Variants in AFF3 observed in about 807,000 individuals in gnomAD.
AFF3 encodes ALF transcription elongation factor 3, also known as AF4/FMR2 family member 3.
In AFF3, 32 loss-of-function variants were observed where a neutral mutation model predicts 129.7. The ratio of observed to expected loss-of-function variants is 0.25; its 90% CI spans 0.19 to 0.33. AFF3 has a LOEUF of 0.33. Ranked by LOEUF, AFF3 falls within the 10% of genes least tolerant of loss-of-function variation. The pLI is 1.00. For missense variants in AFF3, 1,373 were observed against 1,592.0 expected (o/e 0.86, Z 2.34); for synonymous variants, 644 against 635.4 (o/e 1.01, Z -0.20).
intron 11 of AFF3, among the ~76,000 whole-genome samples, chr2:99,692,353 C>T (rs530540619): frequency 6.6e-6 from 1 of 152,350 alleles, no homozygotes; most frequent in South Asian, 2.1e-4. Flanking sequence ...TGCTCTCCCC[C>T]TTCTTCAGCA....
At position 99,989,746 on chromosome 2, in the gene AFF3, T is replaced by A. The variant is rs866917664; in HGVS notation, c.873+16886A>T. Among the ~76,000 whole-genome samples the A allele has an allele frequency of 3.3e-5, 5 of 152,308 alleles. No individual in the cohort carries two copies. In the Middle Eastern group the frequency reaches 0.01, roughly 311 times the overall value. On this transcript the variant is annotated intron_variant, in intron 7 of 24. Transcript: ENST00000672756. ...TTTTCATCAAAATTGTATTTTTAAT[T>A]CTATGAAAAAAGGTTGAAAATTAAT...
chr2:99,838,809 T>A (rs910414014), intron 7 of AFF3, among the ~76,000 whole-genome samples: 2 of 152,198 alleles, frequency 1.3e-5, no homozygotes, highest in African/African-American at 4.8e-5. Flanking sequence ...GAATCAGCAC[T>A]AGGACTTTAA....
intron 7 of AFF3, among the ~76,000 whole-genome samples, chr2:99,867,588 A>AAAC (rs1553469151): frequency 2.6e-5 from 4 of 151,352 alleles, no homozygotes; most frequent in African/African-American, 9.7e-5. Flanking sequence ...AAAAAAAAAA[A>AAAC]AAAAACATAG....
chr2:99,700,555 C>G (rs1160025901), intron 11 of AFF3, among the ~76,000 whole-genome samples: 1 of 152,216 alleles, frequency 6.6e-6, no homozygotes, highest in African/African-American at 2.4e-5. Flanking sequence ...TGGGGACTTA[C>G]AAATTACATT....
chr2:100,133,124 G>A (rs1692492380), intron 1 of AFF3, among the ~76,000 whole-genome samples: 1 of 151,574 alleles, frequency 6.6e-6, no homozygotes, highest in South Asian at 2.1e-4. Flanking sequence ...TTGCTGTCTG[G>A]GTGCGGTGGC....
intron 7 of AFF3, among the ~76,000 whole-genome samples, chr2:99,896,419 A>C (rs1002228479): frequency 1.3e-5 from 2 of 151,944 alleles, no homozygotes; most frequent in Non-Finnish European, 2.9e-5. Context: ...CCACCTGTCC[A>C]TAAGCCCACT....
At chr2:99,597,246 A>C (rs1312512456) in intron 14 of AFF3, among the ~76,000 whole-genome samples, 2 of 152,098 alleles carry the variant, frequency 1.3e-5, no homozygotes, top group Non-Finnish European at 2.9e-5. Context: ...TGAAAGGGGG[A>C]CCGCATTCCT....
At chr2:99,908,803 A>G (rs1694906536) in intron 7 of AFF3, among the ~76,000 whole-genome samples, 1 of 152,212 alleles carries the variant, frequency 6.6e-6, no homozygotes, top group African/African-American at 2.4e-5. Context: ...TAGAGTGGCG[A>G]TCATTAAAAA....
rs77149704 is a variant in AFF3 at position 99,650,741 on chromosome 2, T to C, written c.1144-1075A>G. Among the ~76,000 whole-genome samples the C allele has an allele frequency of 4.8e-3, 724 of 152,198 alleles. 8 individuals carry two copies. Among genetic ancestry groups the C allele is most frequent in the African/African-American group, 0.015 (642 of 41,522 alleles). On this transcript the variant is annotated intron_variant, in intron 12 of 24. Transcript: ENST00000672756. ...CTACATGAAATGAACAAAACTTTCA[T>C]TTTGTATTGAAAATGTATTGATTTG...
chr2:99,568,244 G>A (rs1057233209), intron 19 of AFF3, among the ~76,000 whole-genome samples: 2 of 152,206 alleles, frequency 1.3e-5, no homozygotes, highest in Non-Finnish European at 2.9e-5. Flanking sequence ...ATTCATTTAA[G>A]ATGGAACAAC....
At chr2:99,682,664 C>T (rs981261181) in intron 11 of AFF3, among the ~76,000 whole-genome samples, 4 of 152,216 alleles carry the variant, frequency 2.6e-5, no homozygotes, top group Admixed American at 2.6e-4. Flanking sequence ...GGCAACTTGG[C>T]ATCATCTCCC....
intron 7 of AFF3, among the ~76,000 whole-genome samples, chr2:99,958,367 C>G (rs1177081138): frequency 6.6e-6 from 1 of 151,932 alleles, no homozygotes; most frequent in African/African-American, 2.4e-5. Context: ...GTGGCACACA[C>G]CTGTAATTTC....
intron 8 of AFF3, among the ~76,000 whole-genome samples, chr2:99,756,014 G>A (rs2105232843): frequency 6.6e-6 from 1 of 152,304 alleles, no homozygotes; most frequent in African/African-American, 2.4e-5. Flanking sequence ...AAAGGTAACT[G>A]TGCACAATGG....
intron 7 of AFF3, among the ~76,000 whole-genome samples, chr2:99,839,400 G>A (rs371008945): frequency 1.3e-5 from 2 of 150,582 alleles, no homozygotes; most frequent in South Asian, 2.1e-4. Flanking sequence ...ATGAGCCACC[G>A]TGCCTGGCCT....
rs1211186481 is a variant in AFF3 at position 99,838,189 on chromosome 2, T to C, written c.874-665A>G. Among the ~76,000 whole-genome samples, 4 of 152,156 alleles carry C rather than the reference T, an allele frequency of 2.6e-5. No individual in the cohort carries two copies. In the South Asian group the frequency reaches 8.3e-4, roughly 32 times the overall value. On this transcript the variant is annotated intron_variant, in intron 7 of 24. Transcript: ENST00000672756. ...TGGGGAGCATTTTAAGTTCCAGAGA[T>C]GCTGTGTGGGTCCTGCTGGCTACAC...
intron 8 of AFF3, among the ~76,000 whole-genome samples, chr2:99,792,463 G>A (rs557045821): frequency 6.7e-6 from 1 of 148,976 alleles, no homozygotes; most frequent in African/African-American, 2.5e-5. Context: ...GTGACAGAGT[G>A]AGACTCTGTC....
rs1472990967 is a variant in AFF3, at chr2:99,593,836, C to A, written c.1825G>T (p.Ala609Ser). 11 of 1,601,422 alleles carry A rather than the reference C, an allele frequency of 6.9e-6. No individual in the cohort carries two copies. Among genetic ancestry groups the A allele is most frequent in the Non-Finnish European group, 8.5e-6 (10 of 1,175,268 alleles). ...CTCGTCCCCAGCGCGTCCGCGGCCG[C>A]GGGCTCCTCGGGCCGGTGGCAGTTG... ...GANCHRPEEPAAADALGTSVV... is the reference protein window; with the variant it reads ...GANCHRPEEPSAADALGTSVV... Residue 609 changes from alanine (A) to serine (S), a missense_variant, in exon 15 of 25, where the codon GCG becomes TCG. Physicochemically the swap from Ala to Ser is moderately conservative, Grantham distance 99. This residue lies in a region of AFF3 where 466 missense variants were observed against 505.0 expected (regional missense o/e 0.92). Transcript: ENST00000672756.
chr2:99,900,417 T>G (rs1433905899), intron 7 of AFF3, among the ~76,000 whole-genome samples: 2 of 152,074 alleles, frequency 1.3e-5, no homozygotes, highest in East Asian at 3.9e-4. Context: ...GCTCTAAGAC[T>G]CGGGCCCACC....
chr2:100,050,702 G>A (rs1051401368), intron 4 of AFF3, among the ~76,000 whole-genome samples: 4 of 152,154 alleles, frequency 2.6e-5, no homozygotes, highest in Non-Finnish European at 4.4e-5. Context: ...GATTTTGTCT[G>A]ACCGAGAGAA....
Sources: gnomAD v4.1 joint callset for allele counts (sites outside exome capture counted in the v4.1 genomes callset) on GRCh38, gnomAD v4.1.1 for gene constraint, gnomAD v4.1.1 regional missense constraint, MANE v1.5 for transcripts, NCBI Gene and HGNC (gene_info 2026-07-23, HGNC 2026-07-21) for gene names.